Variants in FGF10 observed in about 807,000 individuals in gnomAD.
FGF10 encodes the protein fibroblast growth factor 10.
A neutral mutation model predicts 19.8 loss-of-function variants in FGF10; 2 were observed. The ratio of observed to expected loss-of-function variants is 0.10; its 90% CI spans 0.04 to 0.32. The LOEUF (loss-of-function observed/expected upper bound fraction) is 0.32, where lower values mean the gene tolerates loss of function less well. Among genes scored for constraint, FGF10 ranks in the 10% least tolerant of loss-of-function variants. FGF10 has a pLI of 1.00. For synonymous variants in FGF10, 112 were observed against 94.0 expected, an observed-to-expected ratio of 1.19 and a Z score of -1.10; for missense variants, 191 against 246.3, an observed-to-expected ratio of 0.78 and a Z score of 1.50.
intron 1 of FGF10, among the ~76,000 whole-genome samples, chr5:44,378,457 A>T (rs543816136): frequency 7.2e-5 from 11 of 152,198 alleles, no homozygotes; most frequent in Non-Finnish European, 1.6e-4. Flanking sequence ...TTTGAGACAG[A>T]GTCTCGCTCT....
At chr5:44,332,037 A>G (rs924268847) in intron 1 of FGF10, among the ~76,000 whole-genome samples, 1 of 152,096 alleles carries the variant, frequency 6.6e-6, no homozygotes. Context: ...GAAACAACGA[A>G]TACTATTAAA....
intron 1 of FGF10, among the ~76,000 whole-genome samples, chr5:44,316,402 C>A (rs112085356): frequency 0.014 from 2,105 of 152,206 alleles, 53 homozygotes; most frequent in African/African-American, 0.047. Flanking sequence ...ACCTTCTATA[C>A]CAATAGTTCT....
At chr5:44,320,982 C>T (rs1236420192) in intron 1 of FGF10, among the ~76,000 whole-genome samples, 1 of 151,684 alleles carries the variant, frequency 6.6e-6, no homozygotes, top group East Asian at 1.9e-4. Context: ...AAGTGCCAGT[C>T]CATTTTGAAG....
chr5:44,364,429 A>C (rs1741561162), intron 1 of FGF10, among the ~76,000 whole-genome samples: 1 of 151,820 alleles, frequency 6.6e-6, no homozygotes, highest in Non-Finnish European at 1.5e-5. Context: ...AGCCTACAAC[A>C]GTTTTTGACT....
Position 44,301,354 on chromosome 5 carries a change from T to C in FGF10, c.*3641A>G, listed in dbSNP as rs966702900. 2.0e-5 allele frequency among the ~76,000 whole-genome samples: 3 copies of C among 152,196 alleles called. No individual in the cohort carries two copies. Among genetic ancestry groups the C allele is most frequent in the African/African-American group, 7.2e-5 (3 of 41,470 alleles). ...TTACTTCACTGAATAATCACAAACCTTGAATTGGCAGCATCCAAATTATTA... is the reference window on the plus strand; with the variant it reads ...TTACTTCACTGAATAATCACAAACCCTGAATTGGCAGCATCCAAATTATTA... On this transcript the variant is annotated 3_prime_UTR_variant, in exon 3 of 3. Coordinates refer to ENST00000264664, the MANE Select transcript of FGF10 (RefSeq NM_004465.2).
Position 44,303,255 on chromosome 5 carries a change from A to T in FGF10, c.*1740T>A, listed in dbSNP as rs1469330805. Among the ~76,000 whole-genome samples, 1 of 152,200 alleles carries T rather than the reference A, an allele frequency of 6.6e-6. No individual in the cohort carries two copies. Among genetic ancestry groups the T allele is most frequent in the Non-Finnish European group, 1.5e-5 (1 of 68,038 alleles). ...AAAATTTCTTAATAAAGCAATTTTTAAAAATAACAGATTAACTGGAAGTGC... is the reference window on the plus strand; with the variant it reads ...AAAATTTCTTAATAAAGCAATTTTTTAAAATAACAGATTAACTGGAAGTGC... On this transcript the variant is annotated 3_prime_UTR_variant, in exon 3 of 3. Transcript: ENST00000264664.
chr5:44,377,522 G>A (rs1741892658), intron 1 of FGF10, among the ~76,000 whole-genome samples: 1 of 152,128 alleles, frequency 6.6e-6, no homozygotes, highest in Non-Finnish European at 1.5e-5. Context: ...TTATTCTATA[G>A]TCATCAAATC....
chr5:44,370,467 A>G (rs1411082009), intron 1 of FGF10, among the ~76,000 whole-genome samples: 1 of 152,066 alleles, frequency 6.6e-6, no homozygotes, highest in Non-Finnish European at 1.5e-5. Context: ...CACATTTCTT[A>G]TCTCGTTCCC....
intron 1 of FGF10, among the ~76,000 whole-genome samples, chr5:44,336,481 A>G (rs767548109): frequency 2.0e-5 from 3 of 152,140 alleles, no homozygotes; most frequent in Non-Finnish European, 2.9e-5. Flanking sequence ...TGTTGTAATC[A>G]TATCACTTCA....
At chr5:44,373,786 T>A (rs1741796260) in intron 1 of FGF10, among the ~76,000 whole-genome samples, 1 of 152,168 alleles carries the variant, frequency 6.6e-6, no homozygotes, top group Admixed American at 6.5e-5. Context: ...TAGCACCTTT[T>A]ATCCTCATAT....
chr5:44,361,649 T>A (rs924589424), intron 1 of FGF10, among the ~76,000 whole-genome samples: 2 of 151,638 alleles, frequency 1.3e-5, no homozygotes, highest in African/African-American at 4.8e-5. Flanking sequence ...GAGAGAGAAG[T>A]CTGTCTTGCA....
chr5:44,362,525 AT>A, intron 1 of FGF10, among the ~76,000 whole-genome samples: 1 of 151,606 alleles, frequency 6.6e-6, no homozygotes, highest in Non-Finnish European at 1.5e-5. Flanking sequence ...ATTTCCTCAT[AT>A]TTGACAACAC....
At chr5:44,320,639 C>T (rs1030915929) in intron 1 of FGF10, among the ~76,000 whole-genome samples, 3 of 152,214 alleles carry the variant, frequency 2.0e-5, no homozygotes, top group Non-Finnish European at 4.4e-5. Flanking sequence ...GCCATAAAAC[C>T]TTTAAAACTT....
intron 1 of FGF10, among the ~76,000 whole-genome samples, chr5:44,363,240 A>ATTG (rs1741531473): frequency 6.6e-6 from 1 of 151,816 alleles, no homozygotes. Flanking sequence ...ATAAAACATA[A>ATTG]CTGCTCTTTA....
chr5:44,362,111 C>A (rs1309047489), intron 1 of FGF10, among the ~76,000 whole-genome samples: 1 of 151,612 alleles, frequency 6.6e-6, no homozygotes, highest in East Asian at 1.9e-4. Flanking sequence ...CGGAGTCAAG[C>A]AGACCTAGCT....
Position 44,301,162 on chromosome 5 carries a change from A to G in FGF10, c.*3833T>C, listed in dbSNP as rs1739957727. 6.6e-6 allele frequency among the ~76,000 whole-genome samples: 1 copy of G among 151,820 alleles called. No individual in the cohort carries two copies. The highest frequency in any genetic ancestry group is 2.1e-4 in the South Asian group (1 of 4,812). On this transcript the variant is annotated 3_prime_UTR_variant, in exon 3 of 3. Coordinates refer to ENST00000264664, the MANE Select transcript of FGF10 (RefSeq NM_004465.2). ...GTTTAAGTTGGAAAAGTCCTGCTTC[A>G]TGAAATAAACAAGAACTCTTAATCA...
At chr5:44,368,969 A>G (rs935224234) in intron 1 of FGF10, among the ~76,000 whole-genome samples, 1 of 152,236 alleles carries the variant, frequency 6.6e-6, no homozygotes, top group South Asian at 2.1e-4. Flanking sequence ...CTTCCAGCCC[A>G]TGTGGTCAAT....
rs1267427940 is a variant in FGF10, at chr5:44,303,182, GT to G, written c.*1812del. On this transcript the variant is annotated 3_prime_UTR_variant, in exon 3 of 3. Coordinates refer to ENST00000264664, the MANE Select transcript of FGF10 (RefSeq NM_004465.2). ...TCAAATGTGTTTCTTCTGAAATACA[GT>G]TTTTTTGAAGAATGGGAAAAATATG... 6.6e-6 allele frequency among the ~76,000 whole-genome samples: 1 copy of G among 152,162 alleles called. No individual in the cohort carries two copies. Among genetic ancestry groups the G allele is most frequent in the African/African-American group, 2.4e-5 (1 of 41,536 alleles).
At chr5:44,329,162 A>G (rs1740676361) in intron 1 of FGF10, among the ~76,000 whole-genome samples, 1 of 152,126 alleles carries the variant, frequency 6.6e-6, no homozygotes. Flanking sequence ...TGGTTTTACC[A>G]AGTACAGTCT....
Sources: allele counts gnomAD v4.1 joint callset (sites outside exome capture counted in the v4.1 genomes callset), GRCh38; gene constraint gnomAD v4.1.1; transcripts MANE v1.5; gene names NCBI Gene and HGNC (gene_info 2026-07-23, HGNC 2026-07-21).